The following CORO1C variants were observed in gnomAD, a reference collection of about 807,000 sequenced individuals.
CORO1C encodes the protein coronin-1C.
A neutral mutation model predicts 51.2 loss-of-function variants in CORO1C; 14 were observed. The ratio of observed to expected loss-of-function variants is 0.27; its 90% CI spans 0.18 to 0.43. The LOEUF is 0.43. Ranked by LOEUF, CORO1C falls within the 20% of genes least tolerant of loss-of-function variation. The pLI, the probability that CORO1C is intolerant of heterozygous loss-of-function variation, is 1.00. For synonymous variants in CORO1C, 181 were observed against 210.5 expected, an observed-to-expected ratio of 0.86 and a Z score of 1.21; for missense variants, 417 against 607.8, an observed-to-expected ratio of 0.69 and a Z score of 3.30.
chr12:108,720,926 T>C (rs943812670), intron 1 of CORO1C, among the ~76,000 whole-genome samples: 2 of 152,186 alleles, frequency 1.3e-5, no homozygotes, highest in East Asian at 1.9e-4. Context: ...TCATGCAAAG[T>C]TGAAATTCAA....
intron 3 of CORO1C, among the ~76,000 whole-genome samples, chr12:108,666,187 G>C (rs528604260): frequency 6.6e-6 from 1 of 152,234 alleles, no homozygotes; most frequent in African/African-American, 2.4e-5. Flanking sequence ...ACACGCAGAT[G>C]TGTAGAGCAA....
At chr12:108,716,472 C>T (rs1200895325) in intron 1 of CORO1C, among the ~76,000 whole-genome samples, 1 of 152,130 alleles carries the variant, frequency 6.6e-6, no homozygotes, top group Admixed American at 6.5e-5. Flanking sequence ...AGAATTTCAG[C>T]CTTCCCTTTT....
At chr12:108,679,593 G>A (rs370367624) in intron 2 of CORO1C, among the ~76,000 whole-genome samples, 3 of 152,180 alleles carry the variant, frequency 2.0e-5, no homozygotes, top group African/African-American at 7.2e-5. Flanking sequence ...TCTATTTTTT[G>A]TTGTTTTTGC....
Position 108,658,647 on chromosome 12 carries a change from C to T in CORO1C, c.630+91G>A, listed in dbSNP as rs2033126176. Reference sequence around the variant, plus strand: ...GGTGTCTACACACAACAGGGTCCCACTGACCAGTACCGCTGCCTGCCTTAA... The same window carrying T: ...GGTGTCTACACACAACAGGGTCCCATTGACCAGTACCGCTGCCTGCCTTAA... On this transcript the variant is annotated intron_variant, in intron 5 of 10. Coordinates refer to ENST00000261401, the MANE Select transcript of CORO1C (RefSeq NM_014325.4). This position sits in a 1 kb window ranked among gnomAD's most constrained non-coding sequence, Gnocchi z 4.9. 4 of 1,317,528 alleles carry T rather than the reference C, an allele frequency of 3.0e-6. No individual in the cohort carries two copies. Among genetic ancestry groups the T allele is most frequent in the African/African-American group, 1.4e-5 (1 of 69,316 alleles). 81.6% of individuals were successfully genotyped at this position (1,317,528 alleles called of 1,614,324 possible). A position where few individuals can be genotyped will look rare whatever the true frequency, so the allele number is the denominator to read the frequency against.
chr12:108,697,270 TAC>T (rs1194725591), intron 2 of CORO1C, among the ~76,000 whole-genome samples: 12 of 152,184 alleles, frequency 7.9e-5, no homozygotes, highest in Non-Finnish European at 1.6e-4. Context: ...TATTATTATG[TAC>T]AGAGTCCCAA....
chr12:108,725,983 C>T (rs750165621), intron 1 of CORO1C, among the ~76,000 whole-genome samples: 10 of 151,846 alleles, frequency 6.6e-5, no homozygotes, highest in Admixed American at 4.6e-4. Context: ...ACTACAGGCG[C>T]GTGCCACCAC....
intron 2 of CORO1C, among the ~76,000 whole-genome samples, chr12:108,684,579 C>T (rs527293061): frequency 6.6e-6 from 1 of 152,094 alleles, no homozygotes; most frequent in East Asian, 1.9e-4. Flanking sequence ...AATAAAAGTA[C>T]ATGTTACAGA....
rs1460366791 is a variant in CORO1C at position 108,662,110 on chromosome 12, C to G, written c.367G>C (p.Val123Leu). 3 of 1,613,938 alleles carry G rather than the reference C, an allele frequency of 1.9e-6. No individual in the cohort carries two copies. Among genetic ancestry groups the G allele is most frequent in the African/African-American group, 2.7e-5 (2 of 75,040 alleles). Residue 123 changes from valine to leucine, a missense_variant, in exon 4 of 11, where the codon GTG becomes CTG. Physicochemically the swap from Val to Leu is conservative, Grantham distance 32. Coordinates refer to ENST00000261401, the MANE Select transcript of CORO1C (RefSeq NM_014325.4). Reference sequence around the variant, plus strand: ...TTTGAGTGGCCTTCCAAAATCACCACAGGTTCAGTCAGGGAAAGGGTGAGT... The same window carrying G: ...TTTGAGTGGCCTTCCAAAATCACCAGAGGTTCAGTCAGGGAAAGGGTGAGT... The part of the protein sequence containing the change: ...NGLTLSLTEP[V>L]VILEGHSKRV...
chr12:108,694,060 G>A (rs2034587159), intron 2 of CORO1C, among the ~76,000 whole-genome samples: 1 of 152,126 alleles, frequency 6.6e-6, no homozygotes, highest in Non-Finnish European at 1.5e-5. Flanking sequence ...GGGAGGGCAA[G>A]GCAAGAGGAT....
At chr12:108,676,122 A>C (rs1352487171) in intron 3 of CORO1C, among the ~76,000 whole-genome samples, 1 of 152,234 alleles carries the variant, frequency 6.6e-6, no homozygotes, top group African/African-American at 2.4e-5. Flanking sequence ...TATACACCTG[A>C]GTGATTACCA....
At chr12:108,702,744 A>G in intron 1 of CORO1C, 1 of 1,454,542 alleles carries the variant, frequency 6.9e-7, no homozygotes, top group Non-Finnish European at 9.1e-7. Flanking sequence ...CATGGCCCTG[A>G]GCCCACTGCT....
Position 108,657,216 on chromosome 12 carries a change from C to A in CORO1C, c.750+88G>T, listed in dbSNP as rs553135217. 7.4e-6 allele frequency: 11 copies of A among 1,496,442 alleles called. No individual in the cohort carries two copies. The East Asian group carries it at 1.9e-4, about 25-fold the overall frequency. The allele number at this position is 1,496,442 out of a possible 1,614,324, so 92.7% of individuals were successfully genotyped here. ...GCGTTTAGAAAACTACACTAAGAAT[C>A]CCATAATCTACTTACTCACTGGAAG... On this transcript the variant is annotated intron_variant, in intron 6 of 10. Coordinates refer to ENST00000261401, the MANE Select transcript of CORO1C (RefSeq NM_014325.4).
chr12:108,681,507 G>A (rs1009401203), intron 2 of CORO1C, among the ~76,000 whole-genome samples: 2 of 152,156 alleles, frequency 1.3e-5, no homozygotes, highest in Non-Finnish European at 2.9e-5. Flanking sequence ...GACTGATTGT[G>A]AGCAGATTTC....
chr12:108,701,442 T>C, intron 1 of CORO1C, 119 bp from the exon 2 acceptor site: 2 of 1,486,440 alleles, frequency 1.3e-6, no homozygotes, highest in Non-Finnish European at 1.8e-6. Flanking sequence ...TCTGCTCTCC[T>C]AAAAAGTAGC....
chr12:108,692,650 C>T (rs1447504124), intron 2 of CORO1C, among the ~76,000 whole-genome samples: 1 of 152,238 alleles, frequency 6.6e-6, no homozygotes, highest in Non-Finnish European at 1.5e-5. Context: ...CCTCACAAGG[C>T]ATGGTATAGA....
At chr12:108,714,397 C>CA (rs34182326) in intron 1 of CORO1C, among the ~76,000 whole-genome samples, 56,263 of 94,638 alleles carry the variant, frequency 0.59, 15,650 homozygotes, top group East Asian at 0.97. Context: ...GAGTCAGTCT[C>CA]AAAAAAAAAA....
At chr12:108,678,470 T>C in intron 2 of CORO1C, 76 bp from the exon 3 acceptor site, 4 of 1,248,732 alleles carry the variant, frequency 3.2e-6, no homozygotes, top group Non-Finnish European at 4.3e-6. Flanking sequence ...GGCCCATTTC[T>C]CATTTATTAC....
At chr12:108,649,855 G>C (rs1203077154) in intron 8 of CORO1C, among the ~76,000 whole-genome samples, 1 of 152,206 alleles carries the variant, frequency 6.6e-6, no homozygotes, top group East Asian at 1.9e-4. Flanking sequence ...GTGCAAGGGG[G>C]GAGTTGAATG....
rs79245676 is a variant in CORO1C, at chr12:108,653,475, G to C, written c.855+831C>G. ...AAGCAAACACCAGCTTTACCACCCA[G>C]TGAAGGGCTATCTAACAGGTCTAGG... On this transcript the variant is annotated intron_variant, in intron 7 of 10. Coordinates refer to ENST00000261401, the MANE Select transcript of CORO1C (RefSeq NM_014325.4). 2.3e-4 allele frequency among the ~76,000 whole-genome samples: 35 copies of C among 152,312 alleles called. 1 individual carries two copies. The East Asian group carries it at 6.8e-3, about 29-fold the overall frequency.
Sources: allele counts gnomAD v4.1 joint callset (sites outside exome capture counted in the v4.1 genomes callset), GRCh38; gene constraint gnomAD v4.1.1; non-coding constraint Gnocchi (gnomAD v3.1); transcripts MANE v1.5; gene names NCBI Gene and HGNC (gene_info 2026-07-23, HGNC 2026-07-21).